Variants in C2orf42 observed in about 807,000 individuals in gnomAD.
The protein encoded by C2orf42 is chromosome 2 open reading frame 42.
C2orf42 carries 44 observed loss-of-function variants against 58.9 expected under a neutral mutation model. The ratio of observed to expected loss-of-function variants is 0.75; its 90% CI spans 0.59 to 0.96. The LOEUF (loss-of-function observed/expected upper bound fraction) is 0.96, where lower values mean the gene tolerates loss of function less well. C2orf42 is among the 40% of genes least tolerant of loss of function. C2orf42 has a pLI of 0.00. For synonymous variants in C2orf42, 239 were observed against 265.4 expected (o/e 0.90, Z 0.97); for missense variants, 630 against 699.2 (o/e 0.90, Z 1.12).
rs1006851615 is a variant in C2orf42 at position 70,167,273 on chromosome 2, G to A, written c.1145-1638C>T. 5.3e-5 allele frequency among the ~76,000 whole-genome samples: 8 copies of A among 151,768 alleles called. No individual in the cohort carries two copies. The East Asian group carries it at 5.8e-4, about 11-fold the overall frequency. ...CTTGGGAGGCTGAGGCAGGAGAATC[G>A]CCTGAACCTGGGAGGCGGAGGTTGC... On this transcript the variant is annotated intron_variant, in intron 6 of 9. Transcript: ENST00000264434.
Position 70,186,992 on chromosome 2 carries a change from T to C in C2orf42, c.-282+3981A>G, listed in dbSNP as rs551397447. ...GAGGGAGGGATAGCATTAGGAGATA[T>C]ACCTAAGGCTAGATGACGAGTTAGT... is the stretch of plus-strand genomic sequence containing the variant. On this transcript the variant is annotated intron_variant, in intron 1 of 9. Transcript: ENST00000264434. 4.8e-4 allele frequency among the ~76,000 whole-genome samples: 73 copies of C among 152,056 alleles called. 1 individual carries two copies. Among genetic ancestry groups the C allele is most frequent in the African/African-American group, 1.6e-3 (67 of 41,488 alleles).
chr2:70,168,268 C>T (rs1673541237), intron 6 of C2orf42, among the ~76,000 whole-genome samples: 1 of 150,668 alleles, frequency 6.6e-6, no homozygotes, highest in South Asian at 2.1e-4. Flanking sequence ...AGGCCTCTGC[C>T]ACCATGCCCA....
intron 6 of C2orf42, among the ~76,000 whole-genome samples, chr2:70,168,273 T>C (rs1242587907): frequency 1.4e-5 from 2 of 146,620 alleles, no homozygotes; most frequent in Non-Finnish European, 3.0e-5. Flanking sequence ...TCTGCCACCA[T>C]GCCCAGCTAT....
chr2:70,182,163 G>A (rs550819907), intron 2 of C2orf42, among the ~76,000 whole-genome samples, 166 bp from the exon 3 acceptor site: 122 of 152,028 alleles, frequency 8.0e-4, no homozygotes, highest in Admixed American at 1.0e-3. Flanking sequence ...GCAGCGGCGC[G>A]ATCTCGGCTC....
At chr2:70,167,611 C>T (rs1175398236) in intron 6 of C2orf42, among the ~76,000 whole-genome samples, 1 of 151,654 alleles carries the variant, frequency 6.6e-6, no homozygotes, top group Non-Finnish European at 1.5e-5. Flanking sequence ...AGTGGTGACA[C>T]ATGCCTATAA....
chr2:70,177,970 G>A (rs1674301395), intron 4 of C2orf42, among the ~76,000 whole-genome samples: 1 of 152,090 alleles, frequency 6.6e-6, no homozygotes. Flanking sequence ...AGCCTAGGAG[G>A]TCCAGGCTGC....
chr2:70,178,450 T>G (rs1038478591), intron 4 of C2orf42, among the ~76,000 whole-genome samples: 1 of 149,966 alleles, frequency 6.7e-6, no homozygotes, highest in Non-Finnish European at 1.5e-5. Flanking sequence ...CTACTAAAAA[T>G]ACAAAAATTA....
intron 5 of C2orf42, among the ~76,000 whole-genome samples, chr2:70,175,385 C>T (rs376489150): frequency 3.7e-4 from 56 of 152,328 alleles, no homozygotes; most frequent in African/African-American, 1.3e-3. Context: ...GTGTTGCTCC[C>T]CTCTATGTGT....
chr2:70,152,354 A>C (rs1377408800), intron 9 of C2orf42, among the ~76,000 whole-genome samples: 1 of 152,190 alleles, frequency 6.6e-6, no homozygotes, highest in Non-Finnish European at 1.5e-5. Context: ...TCCATTTCAA[A>C]TGATATCTGG....
chr2:70,165,196 C>CAA lies in C2orf42; in HGVS notation c.1253-6_1253-5dup, dbSNP rs1201168971. 3.8e-6 allele frequency: 6 copies of CAA among 1,571,072 alleles called. No individual in the cohort carries two copies. The highest frequency in any genetic ancestry group is 1.8e-5 in the Admixed American group (1 of 55,206). On this transcript the variant is annotated splice_region_variant and splice_polypyrimidine_tract_variant and intron_variant, in intron 7 of 9. Transcript: ENST00000264434. ...AAGGCATCTTTCCGAACAAAAGCTT[C>CAA]AACGTGAAAAAAGGACAAAATTAGA...
intron 6 of C2orf42, 56 bp from the exon 7 acceptor site, chr2:70,165,691 G>A: frequency 1.1e-6 from 1 of 907,974 alleles, no homozygotes; most frequent in Non-Finnish European, 1.8e-6. Context: ...ACTTTCTGAT[G>A]TACAGGGAGA....
In C2orf42 at chr2:70,150,025, G is replaced by T; in HGVS notation, c.*331C>A. 2.9e-6 allele frequency: 1 copy of T among 347,876 alleles called. No individual in the cohort carries two copies. Among genetic ancestry groups the T allele is most frequent in the Non-Finnish European group, 5.5e-6 (1 of 182,930 alleles). The allele number at this position is 347,876 out of a possible 1,614,324, so 21.5% of individuals were successfully genotyped here. On this transcript the variant is annotated 3_prime_UTR_variant, in exon 10 of 10. Transcript: ENST00000264434. Reference sequence around the variant, plus strand: ...TGTTGGTGTATGGCTGAGTGCTGCAGATTTCTCAGAGAATTAGCAAAAGGT... The same window carrying T: ...TGTTGGTGTATGGCTGAGTGCTGCATATTTCTCAGAGAATTAGCAAAAGGT...
Position 70,150,536 on chromosome 2 carries a change from TGGC to T in C2orf42, c.1542_1544del (p.Pro515del). 1 of 1,613,774 alleles carries T rather than the reference TGGC, an allele frequency of 6.2e-7. No homozygotes were observed. Among genetic ancestry groups the T allele is most frequent in the Non-Finnish European group, 8.5e-7 (1 of 1,179,692 alleles). On this transcript the variant is annotated inframe_deletion, in exon 10 of 10. Transcript: ENST00000264434. ...GGATCCACTCGATGATGAAAGGTGTTGGCTCCTTTTGATCTGGGGAAGTGTTGC... is the reference window on the plus strand; with the variant it reads ...GGATCCACTCGATGATGAAAGGTGTTTCCTTTTGATCTGGGGAAGTGTTGC...
chr2:70,176,808 T>C (rs999427634), intron 4 of C2orf42, among the ~76,000 whole-genome samples: 16 of 152,184 alleles, frequency 1.1e-4, no homozygotes, highest in African/African-American at 1.4e-4. Context: ...ATCATTTTTA[T>C]GCCTGCCTGA....
At chr2:70,189,092 A>C (rs1675144499) in intron 1 of C2orf42, among the ~76,000 whole-genome samples, 1 of 152,012 alleles carries the variant, frequency 6.6e-6, no homozygotes, top group South Asian at 2.1e-4. Context: ...CAGAAAATAA[A>C]ATATTTTTAC....
rs775725062 is a variant in C2orf42 at position 70,150,394 on chromosome 2, A to C, written c.1687T>G (p.Leu563Val). The C allele has an allele frequency of 6.8e-6, 11 of 1,614,016 alleles. No homozygotes were observed. Among genetic ancestry groups the C allele is most frequent in the African/African-American group, 1.3e-5 (1 of 74,936 alleles). The change falls in exon 10 of 10, where the codon TTG becomes GTG. Residue 563 changes from leucine to valine, a missense_variant. Coordinates refer to ENST00000264434, the MANE Select transcript of C2orf42 (RefSeq NM_017880.3). ...QDQRPPLDQP[L>V]ELAPLTTITF... Reference sequence around the variant, plus strand: ...ATAGTGGTCAGAGGGGCCAGTTCCAAGGGCTGGTCCAAGGGGGGCCGCTGG... The same window carrying C: ...ATAGTGGTCAGAGGGGCCAGTTCCACGGGCTGGTCCAAGGGGGGCCGCTGG...
At position 70,150,056 on chromosome 2, in the gene C2orf42, T is replaced by C. The variant is rs769542953; in HGVS notation, c.*300A>G. The C allele has an allele frequency of 2.5e-6, 1 of 401,632 alleles. No homozygotes were observed. The highest frequency in any genetic ancestry group is 4.6e-6 in the Non-Finnish European group (1 of 217,232). The allele number at this position is 401,632 out of a possible 1,614,324, so 24.9% of individuals were successfully genotyped here. The stretch of plus-strand genomic sequence containing the variant: ...TCAGAGAATTAGCAAAAGGTTGAAA[T>C]AAACGCTAAAGATGAGTCCGTAAGA... On this transcript the variant is annotated 3_prime_UTR_variant, in exon 10 of 10. Coordinates refer to ENST00000264434, the MANE Select transcript of C2orf42 (RefSeq NM_017880.3).
intron 5 of C2orf42, among the ~76,000 whole-genome samples, chr2:70,173,219 G>C (rs1015531008): frequency 2.7e-5 from 4 of 149,024 alleles, no homozygotes; most frequent in African/African-American, 9.9e-5. Flanking sequence ...TGCTTACTTT[G>C]TGACTTTCCT....
intron 1 of C2orf42, among the ~76,000 whole-genome samples, chr2:70,186,215 A>C (rs1194239702): frequency 6.6e-6 from 1 of 152,048 alleles, no homozygotes; most frequent in African/African-American, 2.4e-5. Flanking sequence ...GCTTTTTACC[A>C]TGAACGATCT....
Sources: gnomAD v4.1 joint callset for allele counts (sites outside exome capture counted in the v4.1 genomes callset) on GRCh38, gnomAD v4.1.1 for gene constraint, MANE v1.5 for transcripts, NCBI Gene and HGNC (gene_info 2026-07-23, HGNC 2026-07-21) for gene names.